Variants in STX18 observed in about 807,000 individuals in gnomAD.
STX18 encodes syntaxin 18, also known as syntaxin-18.
In STX18, 40 loss-of-function variants were observed where a neutral mutation model predicts 50.1. That is an observed-to-expected ratio of 0.80 (90% CI 0.62 to 1.04). The LOEUF is 1.04. STX18 is among the 50% of genes least tolerant of loss of function. The pLI, the probability that STX18 is intolerant of heterozygous loss-of-function variation, is 0.00. For synonymous variants in STX18, 158 were observed against 151.8 expected, an observed-to-expected ratio of 1.04 and a Z score of -0.30; for missense variants, 410 against 415.8, an observed-to-expected ratio of 0.99 and a Z score of 0.12.
In STX18 at chr4:4,537,117, G is replaced by A. The variant is rs1193779436; in HGVS notation, c.168+4680C>T. On this transcript the variant is annotated intron_variant, in intron 1 of 10. Coordinates refer to ENST00000306200, the MANE Select transcript of STX18 (RefSeq NM_016930.4). ...GGGTTTCTTGCTTACCTGTGTGGTA[G>A]CCCCCCCTGGCTCCTGTAACCTTTA... is the stretch of plus-strand genomic sequence containing the variant. 2.0e-5 allele frequency among the ~76,000 whole-genome samples: 3 copies of A among 152,176 alleles called. No homozygotes were observed. In the East Asian group the frequency reaches 5.8e-4, roughly 29 times the overall value.
intron 5 of STX18, among the ~76,000 whole-genome samples, chr4:4,444,021 T>C (rs1726259017): frequency 1.3e-5 from 2 of 151,778 alleles, no homozygotes; most frequent in South Asian, 2.1e-4. Flanking sequence ...TTTGTATACC[T>C]GGGGGCATTC....
chr4:4,471,837 T>C (rs1464223623), intron 1 of STX18, 131 bp from the exon 2 acceptor site: 1 of 623,126 alleles, frequency 1.6e-6, no homozygotes, highest in African/African-American at 1.9e-5. Context: ...CCGTCGGTTT[T>C]GGACTCTCGT....
chr4:4,539,680 C>T (rs1170043438), intron 1 of STX18, among the ~76,000 whole-genome samples: 1 of 152,202 alleles, frequency 6.6e-6, no homozygotes, highest in Non-Finnish European at 1.5e-5. Context: ...GTGACATATG[C>T]ACAAAGCTTT....
At chr4:4,440,761 T>G (rs1483742806) in intron 5 of STX18, among the ~76,000 whole-genome samples, 1 of 152,202 alleles carries the variant, frequency 6.6e-6, no homozygotes, top group Non-Finnish European at 1.5e-5. Context: ...TAACAAAAAA[T>G]TTTTTCAAAA....
intron 1 of STX18, among the ~76,000 whole-genome samples, chr4:4,502,333 A>G (rs999680322): frequency 3.3e-5 from 5 of 152,210 alleles, no homozygotes; most frequent in African/African-American, 1.2e-4. Flanking sequence ...AAAACAATGT[A>G]ATTGGGAAAA....
At chr4:4,440,105 G>A (rs1273815826) in intron 5 of STX18, among the ~76,000 whole-genome samples, 1 of 152,194 alleles carries the variant, frequency 6.6e-6, no homozygotes, top group Non-Finnish European at 1.5e-5. Flanking sequence ...TGCAATAACA[G>A]GCTTTGTAAT....
chr4:4,421,908 G>A (rs1724987580), intron 9 of STX18, among the ~76,000 whole-genome samples: 1 of 152,114 alleles, frequency 6.6e-6, no homozygotes, highest in African/African-American at 2.4e-5. Context: ...GATAACACAG[G>A]GGGCGTCTGG....
intron 1 of STX18, among the ~76,000 whole-genome samples, chr4:4,487,035 T>C (rs557342927): frequency 1.3e-5 from 2 of 152,276 alleles, no homozygotes; most frequent in African/African-American, 2.4e-5. Context: ...CAAAAAACTT[T>C]CTGCCTGTCA....
chr4:4,490,285 T>G (rs934648486), intron 1 of STX18, among the ~76,000 whole-genome samples: 7 of 152,158 alleles, frequency 4.6e-5, no homozygotes, highest in African/African-American at 1.7e-4. Context: ...AGGGCCCATA[T>G]GTAACAATAG....
intron 1 of STX18, among the ~76,000 whole-genome samples, chr4:4,525,001 TAGA>T (rs1366075762): frequency 1.3e-5 from 2 of 151,920 alleles, no homozygotes; most frequent in Admixed American, 1.3e-4. Flanking sequence ...CAACACAAAA[TAGA>T]AGAATGAGAT....
chr4:4,530,075 T>C (rs1168297284), intron 1 of STX18, among the ~76,000 whole-genome samples: 1 of 152,170 alleles, frequency 6.6e-6, no homozygotes, highest in Non-Finnish European at 1.5e-5. Flanking sequence ...ATTTTTCTAA[T>C]CAAAAGCTAT....
chr4:4,507,147 T>C (rs578200040), intron 1 of STX18: 17 of 562,152 alleles, frequency 3.0e-5, no homozygotes, highest in South Asian at 2.4e-4. Context: ...CAAAGAATGC[T>C]AGCAACACAG....
rs879312759 is a variant in STX18 at position 4,490,031 on chromosome 4, CA to C, written c.169-18326del. ...TAAAGCATTTGAAACACCATACATACAAAAAATTTTCATTCATATTGCAATG... is the reference window on the plus strand; with the variant it reads ...TAAAGCATTTGAAACACCATACATACAAAAATTTTCATTCATATTGCAATG... On this transcript the variant is annotated intron_variant, in intron 1 of 10. Coordinates refer to ENST00000306200, the MANE Select transcript of STX18 (RefSeq NM_016930.4). Among the ~76,000 whole-genome samples the C allele has an allele frequency of 7.4e-4, 112 of 152,252 alleles. No homozygotes were observed. In the Middle Eastern group the frequency reaches 0.024, roughly 32 times the overall value.
intron 5 of STX18, among the ~76,000 whole-genome samples, chr4:4,447,353 G>T (rs571879246): frequency 6.6e-6 from 1 of 151,492 alleles, no homozygotes; most frequent in East Asian, 2.0e-4. Context: ...ACTTTGCGAG[G>T]CCGAGGCGGG....
chr4:4,458,013 T>C (rs544404499), intron 3 of STX18, among the ~76,000 whole-genome samples: 2 of 152,314 alleles, frequency 1.3e-5, no homozygotes, highest in South Asian at 4.1e-4. Context: ...TCCTGGGAAC[T>C]ACCACACAGA....
At chr4:4,493,073 A>G (rs1207808111) in intron 1 of STX18, among the ~76,000 whole-genome samples, 3 of 152,234 alleles carry the variant, frequency 2.0e-5, no homozygotes, top group African/African-American at 7.2e-5. Context: ...ATGTCATACA[A>G]TATTAAATAT....
intron 1 of STX18, among the ~76,000 whole-genome samples, chr4:4,529,337 G>A (rs1164064212): frequency 6.6e-6 from 1 of 152,184 alleles, no homozygotes; most frequent in Non-Finnish European, 1.5e-5. Flanking sequence ...ACTCCAGCCT[G>A]GGCGAGACTC....
In STX18 at chr4:4,420,302, G is replaced by C. The variant is rs1316829819; in HGVS notation, c.913-173C>G. On this transcript the variant is annotated intron_variant, in intron 10 of 10. Coordinates refer to ENST00000306200, the MANE Select transcript of STX18 (RefSeq NM_016930.4). This position sits in a 1 kb window ranked among gnomAD's most constrained non-coding sequence, Gnocchi z 4.3. ...TTTTGAGATCCACCAGAAGACAAAT[G>C]GGTTATATTTCCCTCTGTTTGGCCA... 5 of 593,538 alleles carry C rather than the reference G, an allele frequency of 8.4e-6. No homozygotes were observed. The African/African-American group carries it at 9.3e-5, about 11-fold the overall frequency. The allele number at this position is 593,538 out of a possible 1,614,324, so 36.8% of individuals were successfully genotyped here.
chr4:4,438,710 G>T (rs1725923800), intron 5 of STX18, among the ~76,000 whole-genome samples: 1 of 152,044 alleles, frequency 6.6e-6, no homozygotes, highest in African/African-American at 2.4e-5. Context: ...GCAGGGTAGA[G>T]ATTGTGCATG....
Sources: gnomAD v4.1 joint callset for allele counts (sites outside exome capture counted in the v4.1 genomes callset) on GRCh38, gnomAD v4.1.1 for gene constraint, Gnocchi (gnomAD v3.1) non-coding constraint, MANE v1.5 for transcripts, NCBI Gene and HGNC (gene_info 2026-07-23, HGNC 2026-07-21) for gene names.